PTK2: variants seen among roughly 807,000 people sequenced by gnomAD.
PTK2 encodes protein tyrosine kinase 2.
PTK2 carries 45 observed loss-of-function variants against 150.1 expected under a neutral mutation model. That is an observed-to-expected ratio of 0.30 (90% confidence interval 0.24 to 0.38). PTK2 has a LOEUF of 0.38. Ranked by LOEUF, PTK2 falls within the 10% of genes least tolerant of loss-of-function variation. PTK2 has a pLI of 1.00. For missense variants in PTK2, 919 were observed against 1,307.3 expected (o/e 0.70, Z 4.58); for synonymous variants, 432 against 449.2 (o/e 0.96, Z 0.48).
chr8:140,829,503 T>C (rs1193089544), intron 8 of PTK2, among the ~76,000 whole-genome samples: 2 of 152,182 alleles, frequency 1.3e-5, no homozygotes, highest in Non-Finnish European at 2.9e-5. Context: ...CTTATTAATC[T>C]CGTGTTAGAA....
intron 16 of PTK2, among the ~76,000 whole-genome samples, chr8:140,756,772 G>A (rs1265506658): frequency 1.3e-5 from 2 of 150,920 alleles, no homozygotes; most frequent in South Asian, 2.1e-4. Flanking sequence ...GGTGGATCAC[G>A]AGGTCAGGAG....
chr8:140,662,862 G>A, intron 31 of PTK2: 1 of 433,664 alleles, frequency 2.3e-6, no homozygotes, highest in Non-Finnish European at 4.1e-6. Context: ...CCAACTTTAA[G>A]AATACTCTAT....
intron 8 of PTK2, among the ~76,000 whole-genome samples, chr8:140,823,483 A>T (rs2100110069): frequency 3.4e-5 from 1 of 29,646 alleles, no homozygotes; most frequent in Admixed American, 4.5e-4. Context: ...GTTAAAATGC[A>T]TATATATATA....
chr8:140,721,168 C>T (rs1485072340), intron 22 of PTK2, among the ~76,000 whole-genome samples: 4 of 152,062 alleles, frequency 2.6e-5, no homozygotes, highest in African/African-American at 9.7e-5. Flanking sequence ...TACAGGCTTA[C>T]ACCATATGCC....
intron 1 of PTK2, among the ~76,000 whole-genome samples, chr8:140,933,008 C>A (rs1223424235): frequency 1.3e-5 from 2 of 152,008 alleles, no homozygotes; most frequent in Non-Finnish European, 2.9e-5. Flanking sequence ...TGTGCCACCA[C>A]ACCCGGCTAA....
intron 27 of PTK2, among the ~76,000 whole-genome samples, chr8:140,680,315 C>A (rs1164480764): frequency 2.0e-5 from 3 of 152,124 alleles, no homozygotes; most frequent in Non-Finnish European, 4.4e-5. Flanking sequence ...GCAACCTCCG[C>A]CTCCCAGGTT....
chr8:140,965,952 A>C (rs780606233), intron 1 of PTK2, among the ~76,000 whole-genome samples: 25 of 152,226 alleles, frequency 1.6e-4, no homozygotes, highest in Non-Finnish European at 2.6e-4. Context: ...CCAGGTAAAC[A>C]ACTTAAGCAC....
At chr8:140,891,937 T>C (rs2100154393) in intron 2 of PTK2, among the ~76,000 whole-genome samples, 2 of 152,178 alleles carry the variant, frequency 1.3e-5, no homozygotes, top group Admixed American at 6.5e-5. Flanking sequence ...CAGGTATGGC[T>C]GCTCATGCCT....
chr8:140,966,158 G>A (rs2100185199), intron 1 of PTK2, among the ~76,000 whole-genome samples: 4 of 152,094 alleles, frequency 2.6e-5, no homozygotes. Context: ...AACCATCCCA[G>A]TTACTCCCCA....
At chr8:140,667,878 C>A (rs1418658836) in intron 30 of PTK2, among the ~76,000 whole-genome samples, 2 of 152,170 alleles carry the variant, frequency 1.3e-5, no homozygotes, top group Non-Finnish European at 2.9e-5. Context: ...TGCACTCCAA[C>A]AACGTAACCA....
At chr8:140,691,613 A>G (rs187658221) in intron 26 of PTK2, among the ~76,000 whole-genome samples, 26 of 152,296 alleles carry the variant, frequency 1.7e-4, no homozygotes, top group Middle Eastern at 3.4e-3. Flanking sequence ...TACCTGCTAG[A>G]ACACCGGACA....
chr8:140,801,176 G>A (rs1054848703), intron 11 of PTK2, among the ~76,000 whole-genome samples: 1 of 152,156 alleles, frequency 6.6e-6, no homozygotes, highest in Non-Finnish European at 1.5e-5. Context: ...GAAGAGTGAC[G>A]AGGCATCAGC....
intron 26 of PTK2, among the ~76,000 whole-genome samples, chr8:140,698,295 T>C (rs4596627): frequency 0.83 from 125,719 of 152,114 alleles, 52,441 homozygotes; most frequent in Non-Finnish European, 0.85. Context: ...GAATTTATAA[T>C]ATCTACTTTT....
chr8:140,697,416 TTGTGTGTGTGTGTG>T (rs34459077), intron 26 of PTK2, among the ~76,000 whole-genome samples: 37 of 145,814 alleles, frequency 2.5e-4, no homozygotes, highest in South Asian at 1.5e-3. Context: ...AGAATACGGT[TTGTGTGTGTGTGTG>T]TGTGTGTGTG....
chr8:141,001,454 A>G (rs2100200240), upstream of PTK2: 1 of 151,544 alleles, frequency 6.6e-6, no homozygotes, highest in Non-Finnish European at 1.5e-5. Context: ...CTGCTCGCGT[A>G]ATTTGTCCTG....
At chr8:140,697,808 G>A (rs1016853505) in intron 26 of PTK2, among the ~76,000 whole-genome samples, 7 of 135,920 alleles carry the variant, frequency 5.2e-5, no homozygotes, top group Non-Finnish European at 1.1e-4. Context: ...ATAATATATT[G>A]TAGGAATTCT....
intron 4 of PTK2, among the ~76,000 whole-genome samples, chr8:140,875,603 G>A (rs547312283): frequency 4.6e-5 from 7 of 152,244 alleles, no homozygotes; most frequent in African/African-American, 1.7e-4. Context: ...TAATTGGATG[G>A]CTTACATTCT....
intron 22 of PTK2, chr8:140,721,635 C>T (rs1440403967): frequency 2.0e-5 from 3 of 151,972 alleles, no homozygotes; most frequent in East Asian, 1.9e-4. Flanking sequence ...TGATTAATCT[C>T]GCTTCACTTC....
At chr8:140,766,080 G>A (rs1225588095) in intron 14 of PTK2, among the ~76,000 whole-genome samples, 1 of 152,136 alleles carries the variant, frequency 6.6e-6, no homozygotes, top group Admixed American at 6.6e-5. Flanking sequence ...GCAGGATTTT[G>A]GGAGAGCCAC....
Sources: allele counts gnomAD v4.1 joint callset (sites outside exome capture counted in the v4.1 genomes callset), GRCh38; gene constraint gnomAD v4.1.1; transcripts MANE v1.5; gene names NCBI Gene and HGNC (gene_info 2026-07-23, HGNC 2026-07-21).